Variants in CYP4B1 observed in about 807,000 individuals in gnomAD.
The protein encoded by CYP4B1 is cytochrome P450 family 4 subfamily B member 1, also known as cytochrome P450 4B1.
CYP4B1 carries 45 observed loss-of-function variants against 54.0 expected under a neutral mutation model. That is an observed-to-expected ratio of 0.83 (90% CI 0.66 to 1.07). CYP4B1 has a LOEUF of 1.07. CYP4B1 is among the 50% of genes least tolerant of loss of function. CYP4B1 has a pLI of 0.00. For synonymous variants in CYP4B1, 248 were observed against 247.5 expected, an observed-to-expected ratio of 1.00 and a Z score of -0.02; for missense variants, 656 against 655.4, an observed-to-expected ratio of 1.00 and a Z score of -0.01.
intron 1 of CYP4B1, among the ~76,000 whole-genome samples, chr1:46,799,863 C>T (rs1452413943): frequency 6.6e-6 from 1 of 152,234 alleles, no homozygotes; most frequent in Non-Finnish European, 1.5e-5. Flanking sequence ...GTGGGAACCA[C>T]CTTAGCCCCT....
intron 1 of CYP4B1, among the ~76,000 whole-genome samples, chr1:46,808,609 C>T (rs1002305307): frequency 7.9e-5 from 12 of 152,042 alleles, no homozygotes; most frequent in Non-Finnish European, 1.3e-4. Context: ...TGCAGCCCTC[C>T]CATTACTGGG....
At position 46,800,241 on chromosome 1, in the gene CYP4B1, C is replaced by CTTT. The variant is rs1553130168; in HGVS notation, c.180+980_180+981insTTT. ...TCTTTCTCTCTTTCTTTCTTTCTTT[C>CTTT]CTTCCTTCCTTCCTTCCTTCCTTCC... On this transcript the variant is annotated intron_variant, in intron 1 of 11. Transcript: ENST00000371923. Among the ~76,000 whole-genome samples, 9 of 34,798 alleles carry CTTT rather than the reference C, an allele frequency of 2.6e-4. 1 individual carries two copies. Among genetic ancestry groups the CTTT allele is most frequent in the African/African-American group, 6.9e-4 (8 of 11,540 alleles). 22.8% of individuals were successfully genotyped at this position (34,798 alleles called of 152,430 possible). A position where few individuals can be genotyped will look rare whatever the true frequency, so the allele number is the denominator to read the frequency against.
Position 46,813,584 on chromosome 1 carries a change from G to A in CYP4B1, c.598G>A (p.Gly200Arg), listed in dbSNP as rs1228820060. 6.2e-7 allele frequency: 1 copy of A among 1,614,110 alleles called. No individual in the cohort carries two copies. The highest frequency in any genetic ancestry group is 1.1e-5 in the South Asian group (1 of 91,088). The change falls in exon 5 of 12, where the codon GGA (glycine) becomes AGA (arginine). Residue 200 changes from glycine (G) to arginine (R), a missense_variant. By Grantham distance (125) the Gly-to-Arg change is moderately radical (BLOSUM62 -2). Transcript: ENST00000371923. ...ACTCATGAAGTGCACCTTTGGAAGA[G>A]GAGACACCGGCCTGGGCCACAGGTC... ...NTLMKCTFGR[G>R]DTGLGHSRDS...
intron 1 of CYP4B1, among the ~76,000 whole-genome samples, chr1:46,802,705 T>C (rs1394708181): frequency 6.6e-6 from 1 of 152,120 alleles, no homozygotes; most frequent in Non-Finnish European, 1.5e-5. Context: ...GGCCAGAGGA[T>C]GAAGAATCAA....
At chr1:46,814,411 C>T in intron 7 of CYP4B1, 96 bp downstream of exon 7, 2 of 856,092 alleles carry the variant, frequency 2.3e-6, no homozygotes, top group Non-Finnish European at 3.6e-6. Flanking sequence ...TAAGCATTTC[C>T]CCCTTTCCTC....
At chr1:46,809,167 C>A (rs540855394) in intron 1 of CYP4B1, among the ~76,000 whole-genome samples, 1 of 150,090 alleles carries the variant, frequency 6.7e-6, no homozygotes, top group East Asian at 2.0e-4. Context: ...AAACAATATG[C>A]AAAATCCTTA....
intron 1 of CYP4B1, 54 bp from the exon 2 acceptor site, chr1:46,810,754 C>A: frequency 1.2e-6 from 2 of 1,607,434 alleles, no homozygotes; most frequent in Non-Finnish European, 1.7e-6. Flanking sequence ...GACTTGGGGC[C>A]TAGCTGGTGA....
intron 1 of CYP4B1, among the ~76,000 whole-genome samples, chr1:46,803,116 T>C (rs930477081): frequency 2.0e-5 from 3 of 152,212 alleles, no homozygotes; most frequent in African/African-American, 7.2e-5. Flanking sequence ...CAAAAGGCTT[T>C]ACCTTATTTT....
chr1:46,803,986 A>G (rs772443755), intron 1 of CYP4B1, among the ~76,000 whole-genome samples: 22 of 152,300 alleles, frequency 1.4e-4, no homozygotes, highest in Middle Eastern at 6.8e-3. Flanking sequence ...GGTGTCATGC[A>G]GAGAGTTCCG....
At chr1:46,800,215 C>CTTTCTTTT (rs59067536) in intron 1 of CYP4B1, among the ~76,000 whole-genome samples, 1 of 28,844 alleles carries the variant, frequency 3.5e-5, no homozygotes, top group Non-Finnish European at 9.2e-5. Flanking sequence ...TTCTTTCTTT[C>CTTTCTTTT]TCTTTCTCTC....
chr1:46,806,607 C>A (rs1209142010), intron 1 of CYP4B1, among the ~76,000 whole-genome samples: 2 of 152,196 alleles, frequency 1.3e-5, no homozygotes, highest in African/African-American at 4.8e-5. Flanking sequence ...CTTTTCCGAT[C>A]TGATTCTTGG....
rs1330969028 is a variant in CYP4B1, at chr1:46,812,591, G to A, written c.463G>A (p.Ala155Thr). The part of the protein sequence containing the change: ...FHYDVLKPYV[A>T]VFTESTRIML... ...TTATGATGTGCTGAAGCCCTATGTG[G>A]CCGTGTTCACTGAGTCTACACGTAT... is the stretch of plus-strand genomic sequence containing the variant. Residue 155 changes from alanine (A) to threonine (T), a missense_variant, in exon 4 of 12, where the codon GCC becomes ACC. By Grantham distance (58) the Ala-to-Thr change is moderately conservative (BLOSUM62 0). Coordinates refer to ENST00000371923, the MANE Select transcript of CYP4B1 (RefSeq NM_001099772.2). The A allele has an allele frequency of 6.2e-7, 1 of 1,614,032 alleles. No individual in the cohort carries two copies. The highest frequency in any genetic ancestry group is 1.3e-5 in the African/African-American group (1 of 75,034).
In CYP4B1 at chr1:46,812,080, A is replaced by G. The variant is rs977200148; in HGVS notation, c.368-416A>G. 53 of 444,726 alleles carry G rather than the reference A, an allele frequency of 1.2e-4. No homozygotes were observed. In the Admixed American group the frequency reaches 1.3e-3, roughly 11 times the overall value. The allele number at this position is 444,726 out of a possible 1,614,324, so 27.5% of individuals were successfully genotyped here. On this transcript the variant is annotated intron_variant, in intron 3 of 11. Coordinates refer to ENST00000371923, the MANE Select transcript of CYP4B1 (RefSeq NM_001099772.2). ...TCCCACCTGAGGCCATGAAGCACGA[A>G]CACGGTGGGACATTCCCTAAGTCCT...
chr1:46,817,278 G>A, intron 9 of CYP4B1, 97 bp downstream of exon 9: 3 of 1,491,902 alleles, frequency 2.0e-6, no homozygotes, highest in South Asian at 1.3e-5. Context: ...TTGGGGAAGA[G>A]CTCAGGCTTT....
intron 7 of CYP4B1, 178 bp from the exon 8 acceptor site, chr1:46,814,896 G>A (rs1679269618): frequency 6.6e-6 from 4 of 607,828 alleles, no homozygotes; most frequent in Non-Finnish European, 8.7e-6. Flanking sequence ...TGGAGGAGGA[G>A]GCATCCAGGC....
rs1267804681 is a variant in CYP4B1, at chr1:46,817,983, A to AT, written c.1227dup (p.Ile410TyrfsTer6). On this transcript the variant is annotated frameshift_variant, in exon 10 of 12. Coordinates refer to ENST00000371923, the MANE Select transcript of CYP4B1 (RefSeq NM_001099772.2). LOFTEE classifies it high-confidence loss of function. ...CCCACAGGAAGCCTGATCTCTATGC[A>AT]TATCTATGCCCTCCATAGGAACAGT... 6 of 1,614,094 alleles carry AT rather than the reference A, an allele frequency of 3.7e-6. No individual in the cohort carries two copies. The highest frequency in any genetic ancestry group is 5.1e-6 in the Non-Finnish European group (6 of 1,179,992).
intron 8 of CYP4B1, 35 bp from the exon 9 acceptor site, chr1:46,817,013 C>T (rs777757657): frequency 1.4e-5 from 23 of 1,607,792 alleles, no homozygotes; most frequent in Middle Eastern, 1.6e-4. Context: ...CTGTTGCTTC[C>T]CATTCCAAGA....
chr1:46,811,302 C>A, intron 3 of CYP4B1, 118 bp downstream of exon 3: 1 of 1,044,352 alleles, frequency 9.6e-7, no homozygotes, highest in Non-Finnish European at 1.5e-6. Context: ...CTCGGGTGCC[C>A]ATCCTAAGCT....
chr1:46,800,235 T>C (rs867882013), intron 1 of CYP4B1, among the ~76,000 whole-genome samples: 2,960 of 53,924 alleles, frequency 0.055, 484 homozygotes, highest in East Asian at 0.088. Flanking sequence ...CTTTCTTTCT[T>C]TCTTTCCTTC....
Sources: allele counts gnomAD v4.1 joint callset (sites outside exome capture counted in the v4.1 genomes callset), GRCh38; gene constraint gnomAD v4.1.1; transcripts MANE v1.5; gene names NCBI Gene and HGNC (gene_info 2026-07-23, HGNC 2026-07-21).